The following CNTN6 variants were observed in gnomAD, a reference collection of about 807,000 sequenced individuals.
CNTN6 encodes the protein contactin 6.
Under a neutral mutation model 122.8 loss-of-function variants are expected in CNTN6, and 137 were observed. That is an observed-to-expected ratio of 1.12 (90% CI 0.97 to 1.29). CNTN6 has a LOEUF of 1.29. Among genes scored for constraint, CNTN6 ranks in the 50% most tolerant of loss-of-function variants. The pLI, the probability that CNTN6 is intolerant of heterozygous loss-of-function variation, is 0.00. For synonymous variants in CNTN6, 570 were observed against 426.0 expected (o/e 1.34, Z -4.16); for missense variants, 1,634 against 1,223.4 (o/e 1.34, Z -5.01).
intron 1 of CNTN6, among the ~76,000 whole-genome samples, chr3:1,125,017 A>C (rs1013050754): frequency 6.6e-6 from 1 of 151,956 alleles, no homozygotes; most frequent in Non-Finnish European, 1.5e-5. Flanking sequence ...CTTGTTTTTA[A>C]GTTATAGAAT....
At chr3:1,221,459 G>A (rs2094206771) in intron 3 of CNTN6, among the ~76,000 whole-genome samples, 1 of 152,066 alleles carries the variant, frequency 6.6e-6, no homozygotes, top group African/African-American at 2.4e-5. Context: ...CTTCACTGGT[G>A]GGTCACATCA....
At chr3:1,183,836 G>A (rs913211594) in intron 2 of CNTN6, among the ~76,000 whole-genome samples, 7 of 152,086 alleles carry the variant, frequency 4.6e-5, no homozygotes, top group South Asian at 2.1e-4. Context: ...GTTCTCATCC[G>A]AAAGCTACAA....
chr3:1,333,380 A>G (rs1702594280), intron 11 of CNTN6, among the ~76,000 whole-genome samples: 1 of 152,048 alleles, frequency 6.6e-6, no homozygotes. Flanking sequence ...TTAATGCCAC[A>G]CCAGACTGAT....
At chr3:1,159,824 CT>C (rs2093081000) in intron 2 of CNTN6, among the ~76,000 whole-genome samples, 1 of 104,138 alleles carries the variant, frequency 9.6e-6, no homozygotes, top group Non-Finnish European at 1.9e-5. Context: ...GTTTGTTTTT[CT>C]TTTTCCCCCC....
chr3:1,329,582 C>A (rs1575727049), intron 10 of CNTN6, among the ~76,000 whole-genome samples: 1 of 151,774 alleles, frequency 6.6e-6, no homozygotes, highest in Admixed American at 6.6e-5. Context: ...AAGGTAATAT[C>A]TTTTGTCATC....
chr3:1,143,920 A>G (rs1249625371), intron 1 of CNTN6, among the ~76,000 whole-genome samples: 1 of 152,226 alleles, frequency 6.6e-6, no homozygotes, highest in Non-Finnish European at 1.5e-5. Flanking sequence ...CAATTTTCAA[A>G]GGAGGAAACT....
At chr3:1,240,969 TCA>T (rs201695272) in intron 4 of CNTN6, among the ~76,000 whole-genome samples, 1,533 of 151,888 alleles carry the variant, frequency 0.01, 37 homozygotes, top group African/African-American at 0.034. Flanking sequence ...TGGGTGGATC[TCA>T]CAAAGTACAT....
rs200626816 is a variant in CNTN6 at position 1,208,294 on chromosome 3, T to TA, written c.56-12392dup. 8.6e-3 allele frequency among the ~76,000 whole-genome samples: 1,307 copies of TA among 152,280 alleles called. 19 individuals carry two copies. Among genetic ancestry groups the TA allele is most frequent in the African/African-American group, 0.03 (1,228 of 41,582 alleles). Reference sequence around the variant, plus strand: ...TTCTAAATCTGCCATTCCATCTTTTTATTTCATGACTCTCCTACCTTCCAG... The same window carrying TA: ...TTCTAAATCTGCCATTCCATCTTTTTAATTTCATGACTCTCCTACCTTCCAG... On this transcript the variant is annotated intron_variant, in intron 2 of 22. Transcript: ENST00000446702.
chr3:1,222,435 A>G (rs546939298), intron 3 of CNTN6, among the ~76,000 whole-genome samples: 1 of 152,258 alleles, frequency 6.6e-6, no homozygotes, highest in Non-Finnish European at 1.5e-5. Context: ...ACATTTTTTG[A>G]AAGTTTGCTG....
At chr3:1,270,438 C>A (rs1183289409) in intron 4 of CNTN6, among the ~76,000 whole-genome samples, 1 of 152,134 alleles carries the variant, frequency 6.6e-6, no homozygotes, top group Admixed American at 6.5e-5. Flanking sequence ...TTCTGTGAGA[C>A]TTATGCAGAT....
At chr3:1,353,263 G>A (rs927361259) in intron 12 of CNTN6, among the ~76,000 whole-genome samples, 3 of 151,622 alleles carry the variant, frequency 2.0e-5, no homozygotes, top group Non-Finnish European at 4.4e-5. Context: ...AAGCCCAAAT[G>A]ATTAAAATCA....
intron 1 of CNTN6, among the ~76,000 whole-genome samples, chr3:1,103,743 T>A (rs1446916837): frequency 6.6e-6 from 1 of 152,182 alleles, no homozygotes. Context: ...CTTTTACTTA[T>A]GAGGCAAAAG....
chr3:1,311,270 TATAC>T (rs1349677358), intron 7 of CNTN6, among the ~76,000 whole-genome samples: 2 of 146,626 alleles, frequency 1.4e-5, no homozygotes, highest in South Asian at 2.1e-4. Context: ...TATGTGTATA[TATAC>T]ATACATATTT....
In CNTN6 at chr3:1,344,550, C is replaced by A. The variant is rs570294723; in HGVS notation, c.1365-7774C>A. 3.9e-5 allele frequency among the ~76,000 whole-genome samples: 6 copies of A among 152,182 alleles called. No homozygotes were observed. In the South Asian group the frequency reaches 1.2e-3, roughly 32 times the overall value. On this transcript the variant is annotated intron_variant, in intron 11 of 22. Coordinates refer to ENST00000446702, the MANE Select transcript of CNTN6 (RefSeq NM_001289080.2). ...AAGGTTTTGGAGGGTGAATGGGATT[C>A]AGATAAGCAGATTGGAGAGTGAAAC...
At chr3:1,290,111 G>C (rs1695089468) in intron 5 of CNTN6, among the ~76,000 whole-genome samples, 1 of 152,216 alleles carries the variant, frequency 6.6e-6, no homozygotes, top group Non-Finnish European at 1.5e-5. Context: ...TGAGGGTGGA[G>C]CCCAGCGGCT....
chr3:1,389,928 C>T (rs1466363011), intron 20 of CNTN6, among the ~76,000 whole-genome samples: 3 of 150,876 alleles, frequency 2.0e-5, no homozygotes, highest in Non-Finnish European at 4.4e-5. Flanking sequence ...GAGTGACCTA[C>T]AAAGAGACTT....
At chr3:1,094,538 A>G (rs1006986533) in intron 1 of CNTN6, among the ~76,000 whole-genome samples, 1 of 152,180 alleles carries the variant, frequency 6.6e-6, no homozygotes, top group South Asian at 2.1e-4. Context: ...AAAAAAGTCA[A>G]TCATTTATAA....
At chr3:1,162,575 G>A (rs1201246580) in intron 2 of CNTN6, among the ~76,000 whole-genome samples, 2 of 152,036 alleles carry the variant, frequency 1.3e-5, no homozygotes, top group Non-Finnish European at 2.9e-5. Flanking sequence ...CTGAGGCCAG[G>A]GCTTTAACTT....
chr3:1,297,621 G>T (rs750374941), intron 6 of CNTN6, among the ~76,000 whole-genome samples: 1 of 144,904 alleles, frequency 6.9e-6, no homozygotes, highest in South Asian at 2.1e-4. Flanking sequence ...AAAACATCCC[G>T]TTGTTGTTGT....
Sources: allele counts gnomAD v4.1 joint callset (sites outside exome capture counted in the v4.1 genomes callset), GRCh38; gene constraint gnomAD v4.1.1; transcripts MANE v1.5; gene names NCBI Gene and HGNC (gene_info 2026-07-23, HGNC 2026-07-21).